The following EML6 variants were observed in gnomAD, a reference collection of about 807,000 sequenced individuals.
EML6 encodes the protein EMAP like 6, also known as echinoderm microtubule-associated protein-like 6.
In EML6, 154 loss-of-function variants were observed where a neutral mutation model predicts 240.1. That is an observed-to-expected ratio of 0.64 (90% CI 0.56 to 0.73). EML6 has a LOEUF of 0.73. EML6 is among the 30% of genes least tolerant of loss of function. EML6 has a pLI of 0.00. For synonymous variants in EML6, 1,148 were observed against 899.0 expected (o/e 1.28, Z -4.95); for missense variants, 2,964 against 2,474.6 (o/e 1.20, Z -4.20).
rs1670572236 is a variant in EML6, at chr2:54,859,653, T to G, written c.1777T>G (p.Phe593Val). ...TGATCACTCAGTTTTCCAGTGGAGG[T>G]TTATTCCAGAAGGTGTCAGCAACGG... is the stretch of plus-strand genomic sequence containing the variant. ...GADHSVFQWR[F>V]IPEGVSNGML... The change falls in exon 12 of 42, where the codon TTT becomes GTT. Residue 593 changes from phenylalanine (F) to valine (V), a missense_variant. Phe to Val is a conservative substitution (Grantham distance 50). Transcript: ENST00000356458. 6.4e-7 allele frequency: 1 copy of G among 1,550,486 alleles called. No homozygotes were observed. Among genetic ancestry groups the G allele is most frequent in the Non-Finnish European group, 8.7e-7 (1 of 1,146,724 alleles).
chr2:54,835,968 C>G (rs1469823735), intron 7 of EML6, among the ~76,000 whole-genome samples: 2 of 152,160 alleles, frequency 1.3e-5, no homozygotes, highest in African/African-American at 4.8e-5. Flanking sequence ...TAAGCACATC[C>G]TATTCTCCAG....
At chr2:54,801,295 A>AC (rs2103971094) in intron 2 of EML6, among the ~76,000 whole-genome samples, 1 of 151,374 alleles carries the variant, frequency 6.6e-6, no homozygotes, top group South Asian at 2.1e-4. Context: ...AGCCTGGGCT[A>AC]CAGAGCGAGA....
At chr2:54,961,497 T>G (rs1676513761) in intron 35 of EML6, among the ~76,000 whole-genome samples, 1 of 151,144 alleles carries the variant, frequency 6.6e-6, no homozygotes, top group Non-Finnish European at 1.5e-5. Context: ...AGGAAGCAGA[T>G]TTTTGTTCAG....
chr2:54,798,050 G>A (rs970411598), intron 2 of EML6, among the ~76,000 whole-genome samples: 8 of 152,104 alleles, frequency 5.3e-5, no homozygotes, highest in South Asian at 2.1e-4. Flanking sequence ...TTGGAATTTC[G>A]ATTAGGATTG....
intron 28 of EML6, among the ~76,000 whole-genome samples, chr2:54,944,861 A>G (rs1318537977): frequency 1.3e-5 from 2 of 151,980 alleles, no homozygotes; most frequent in African/African-American, 4.8e-5. Context: ...TGAAGAATGC[A>G]CTTGACACAG....
At position 54,960,305 on chromosome 2, in the gene EML6, G is replaced by A. The variant is rs1260417533; in HGVS notation, c.4939G>A (p.Glu1647Lys). The A allele has an allele frequency of 6.4e-7, 1 of 1,551,072 alleles. No homozygotes were observed. Among genetic ancestry groups the A allele is most frequent in the Non-Finnish European group, 8.7e-7 (1 of 1,146,884 alleles). ...AFQLETGQLV[E>K]CVRSVCRGKG... The stretch of plus-strand genomic sequence containing the variant: ...TCAGCTGGAGACCGGGCAGCTGGTG[G>A]AGTGTGTGCGCTCCGTGTGCCGTGG... The change falls in exon 35 of 42, where the codon GAG becomes AAG. Residue 1647 changes from glutamate to lysine, a missense_variant. Physicochemically the swap from Glu to Lys is moderately conservative, Grantham distance 56 (BLOSUM62 1). Transcript: ENST00000356458.
chr2:54,799,258 A>T (rs1205390149), intron 2 of EML6, among the ~76,000 whole-genome samples: 1 of 150,444 alleles, frequency 6.6e-6, no homozygotes, highest in Non-Finnish European at 1.5e-5. Flanking sequence ...AAGGAGTTTT[A>T]CAATGTTGGC....
chr2:54,968,192 G>T lies in EML6; in HGVS notation c.5662G>T (p.Ala1888Ser). ...TGCAGACAAGGCTGATGTCAACTGC[G>T]CATGTGTGACCCACGCTGGCCTGAA... The part of the protein sequence containing the change: ...RNADKADVNC[A>S]CVTHAGLNIV... The change falls in exon 40 of 42, where the codon GCA (alanine) becomes TCA (serine). Residue 1888 changes from alanine (A) to serine (S), a missense_variant. Transcript: ENST00000356458. The T allele has an allele frequency of 1.3e-6, 2 of 1,551,682 alleles. No individual in the cohort carries two copies. The highest frequency in any genetic ancestry group is 1.2e-5 in the South Asian group (1 of 84,062).
At chr2:54,787,871 A>G (rs2103882163) in intron 2 of EML6, among the ~76,000 whole-genome samples, 1 of 150,770 alleles carries the variant, frequency 6.6e-6, no homozygotes, top group South Asian at 2.1e-4. Flanking sequence ...TTTAGGCCAG[A>G]CCTAAGTTAT....
intron 28 of EML6, 36 bp downstream of exon 28, chr2:54,928,787 C>G (rs1457100380): frequency 6.4e-7 from 1 of 1,551,030 alleles, no homozygotes; most frequent in East Asian, 2.4e-5. Context: ...TTTTATTATA[C>G]CTGATGACAA....
rs369608165 is a variant in EML6 at position 54,928,669 on chromosome 2, A to T, written c.3922A>T (p.Thr1308Ser). ...TAGAGAAAAGGCCATTGACTACACCACCAAGATTTATGCTGTGAGCATCAG... is the reference window on the plus strand; with the variant it reads ...TAGAGAAAAGGCCATTGACTACACCTCCAAGATTTATGCTGTGAGCATCAG... Reference protein sequence around the residue: ...VAREKAIDYTTKIYAVSIREM... With the variant: ...VAREKAIDYTSKIYAVSIREM... The change falls in exon 28 of 42, where the codon ACC becomes TCC. Residue 1308 changes from threonine to serine, a missense_variant. Transcript: ENST00000356458. 17 of 1,551,908 alleles carry T rather than the reference A, an allele frequency of 1.1e-5. No individual in the cohort carries two copies. The highest frequency in any genetic ancestry group is 1.3e-5 in the Non-Finnish European group (15 of 1,147,062).
rs988391977 is a variant in EML6 at position 54,970,415 on chromosome 2, G to A, written c.*320G>A. On this transcript the variant is annotated 3_prime_UTR_variant, in exon 42 of 42. Coordinates refer to ENST00000356458, the MANE Select transcript of EML6 (RefSeq NM_001039753.4). ...ATGTAGCCCGCTGACGAATTTTGAA[G>A]CCTCGGTTACCCTAACCAATATGTA... 9.0e-6 allele frequency: 3 copies of A among 333,252 alleles called. No individual in the cohort carries two copies. The highest frequency in any genetic ancestry group is 1.7e-5 in the Non-Finnish European group (3 of 179,362). 20.6% of individuals were successfully genotyped at this position (333,252 alleles called of 1,614,324 possible).
intron 19 of EML6, among the ~76,000 whole-genome samples, chr2:54,894,686 G>A (rs1429296817): frequency 1.3e-5 from 2 of 152,188 alleles, no homozygotes; most frequent in Non-Finnish European, 2.9e-5. Context: ...TCTGAGGAGA[G>A]TGCAGTGGAC....
intron 32 of EML6, among the ~76,000 whole-genome samples, chr2:54,957,372 AG>A (rs1379658006): frequency 1.5e-5 from 2 of 134,230 alleles, no homozygotes; most frequent in Non-Finnish European, 3.3e-5. Context: ...AAAAAAAAAA[AG>A]CTCTCTAGAG....
At chr2:54,967,997 C>A in intron 39 of EML6, 131 bp from the exon 40 acceptor site, 2 of 834,368 alleles carry the variant, frequency 2.4e-6, no homozygotes, top group Non-Finnish European at 3.8e-6. Context: ...AGTACCGTTC[C>A]GTGGCCTGGC....
rs78182207 is a variant in EML6, at chr2:54,938,455, G to C, written c.4004+9704G>C. 1.8e-4 allele frequency among the ~76,000 whole-genome samples: 28 copies of C among 152,310 alleles called. No homozygotes were observed. The East Asian group carries it at 5.4e-3, about 29-fold the overall frequency. On this transcript the variant is annotated intron_variant, in intron 28 of 41. Transcript: ENST00000356458. ...ATGCCTCAGTGAGACATACAGCCATGCTTATTGGCATTTTTCCAAGCACAA... is the reference window on the plus strand; with the variant it reads ...ATGCCTCAGTGAGACATACAGCCATCCTTATTGGCATTTTTCCAAGCACAA...
chr2:54,926,167 T>A (rs368108861), intron 26 of EML6, among the ~76,000 whole-genome samples: 11 of 152,230 alleles, frequency 7.2e-5, no homozygotes, highest in African/African-American at 2.7e-4. Context: ...AGTGGTGTGA[T>A]CTTGGCTGAC....
chr2:54,886,732 T>C lies in EML6; in HGVS notation c.2439-4322T>C, dbSNP rs530121645. 3.3e-5 allele frequency among the ~76,000 whole-genome samples: 5 copies of C among 152,308 alleles called. No homozygotes were observed. The East Asian group carries it at 9.6e-4, about 29-fold the overall frequency. ...CCTGTGCTGACTGGGTATATTTTCT[T>C]TGTAGAATAGAGTGATTTGTCTTTT... is the stretch of plus-strand genomic sequence containing the variant. On this transcript the variant is annotated intron_variant, in intron 17 of 41. Coordinates refer to ENST00000356458, the MANE Select transcript of EML6 (RefSeq NM_001039753.4).
intron 26 of EML6, among the ~76,000 whole-genome samples, chr2:54,925,025 TC>T (rs1182425193): frequency 6.6e-6 from 1 of 152,220 alleles, no homozygotes. Context: ...GGTTGTGTCT[TC>T]CCAAATCTGT....
Sources: gnomAD v4.1 joint callset for allele counts (sites outside exome capture counted in the v4.1 genomes callset) on GRCh38, gnomAD v4.1.1 for gene constraint, MANE v1.5 for transcripts, NCBI Gene and HGNC (gene_info 2026-07-23, HGNC 2026-07-21) for gene names.